Variants in RPSA2 observed in about 807,000 individuals in gnomAD.
The protein encoded by RPSA2 is ribosomal protein SA 2, also known as small ribosomal subunit protein uS2B.
At chr19:23,771,880 A>G in the RPSA2 span, among the ~76,000 whole-genome samples, 1 of 151,516 alleles carries the variant, frequency 6.6e-6, no homozygotes, top group Admixed American at 6.6e-5. Flanking sequence ...CTGCCCACAG[A>G]GGTGTTATAT....
the RPSA2 span, among the ~76,000 whole-genome samples, chr19:23,826,476 G>A: frequency 0.012 from 1,809 of 150,246 alleles, 40 homozygotes; most frequent in African/African-American, 0.041. Context: ...TACAGGTATG[G>A]GCCACCATGC....
At chr19:23,838,926 GTTTA>G in the RPSA2 span, among the ~76,000 whole-genome samples, 2 of 151,760 alleles carry the variant, frequency 1.3e-5, no homozygotes, top group African/African-American at 4.8e-5. Context: ...TGTATTTTTT[GTTTA>G]TTTGTTTGTT....
chr19:23,870,861 C>T, the RPSA2 span, among the ~76,000 whole-genome samples: 1 of 152,126 alleles, frequency 6.6e-6, no homozygotes, highest in Admixed American at 6.5e-5. Flanking sequence ...GCTATATGAT[C>T]AAAGAGCAAA....
At chr19:23,863,848 C>A in the RPSA2 span, among the ~76,000 whole-genome samples, 3 of 152,178 alleles carry the variant, frequency 2.0e-5, no homozygotes, top group African/African-American at 7.2e-5. Flanking sequence ...ATATCTCTTT[C>A]TTATCATAAT....
the RPSA2 span, among the ~76,000 whole-genome samples, chr19:23,805,258 G>A: frequency 2.0e-5 from 3 of 151,804 alleles, no homozygotes; most frequent in Non-Finnish European, 2.9e-5. Context: ...TCCACCTCCC[G>A]CGTTCAAGCG....
the RPSA2 span, among the ~76,000 whole-genome samples, chr19:23,829,548 G>T: frequency 4.6e-5 from 7 of 152,292 alleles, no homozygotes; most frequent in Middle Eastern, 3.4e-3. Context: ...TGATCCACCC[G>T]CCTCGGCCTC....
At chr19:23,836,937 G>T in the RPSA2 span, among the ~76,000 whole-genome samples, 1 of 152,092 alleles carries the variant, frequency 6.6e-6, no homozygotes, top group East Asian at 1.9e-4. Context: ...TGAGTTATCT[G>T]TCTATTCTGC....
chr19:23,811,868 A>T, the RPSA2 span, among the ~76,000 whole-genome samples: 1 of 145,786 alleles, frequency 6.9e-6, no homozygotes, highest in African/African-American at 2.4e-5. Flanking sequence ...AAAATAGCAA[A>T]CATTTAAAAC....
At chr19:23,816,926 T>TG in the RPSA2 span, among the ~76,000 whole-genome samples, 1 of 152,120 alleles carries the variant, frequency 6.6e-6, no homozygotes, top group South Asian at 2.1e-4. Flanking sequence ...CCACAACATG[T>TG]GGGAATTAAA....
At chr19:23,828,647 A>C in the RPSA2 span, among the ~76,000 whole-genome samples, 4 of 148,794 alleles carry the variant, frequency 2.7e-5, no homozygotes, top group African/African-American at 9.9e-5. Context: ...AAAAAATTTG[A>C]TAAGACTTCC....
chr19:23,760,246 C>T, the RPSA2 span, among the ~76,000 whole-genome samples: 4 of 152,254 alleles, frequency 2.6e-5, no homozygotes, highest in Admixed American at 1.3e-4. Context: ...CCCCCTAACC[C>T]CCTCCATTCC....
the RPSA2 span, among the ~76,000 whole-genome samples, chr19:23,767,045 C>T: frequency 6.6e-6 from 1 of 151,946 alleles, no homozygotes; most frequent in East Asian, 1.9e-4. Flanking sequence ...CTCTGCCTCC[C>T]GGTTTCAAAC....
the RPSA2 span, among the ~76,000 whole-genome samples, chr19:23,826,682 C>G: frequency 6.6e-6 from 1 of 151,896 alleles, no homozygotes; most frequent in African/African-American, 2.4e-5. Context: ...TGAGTATATT[C>G]CAGAATATAT....
At chr19:23,835,420 T>A in the RPSA2 span, among the ~76,000 whole-genome samples, 1 of 152,108 alleles carries the variant, frequency 6.6e-6, no homozygotes, top group Admixed American at 6.5e-5. Flanking sequence ...ATCATTTTAA[T>A]CAGGGGCCTA....
chr19:23,828,623 A>AT, the RPSA2 span, among the ~76,000 whole-genome samples: 4 of 148,652 alleles, frequency 2.7e-5, no homozygotes, highest in African/African-American at 9.9e-5. Flanking sequence ...TGTAGTTCAT[A>AT]GAAATTTACT....
At chr19:23,855,444 G>A in the RPSA2 span, among the ~76,000 whole-genome samples, 3 of 152,168 alleles carry the variant, frequency 2.0e-5, no homozygotes, top group Non-Finnish European at 2.9e-5. Flanking sequence ...GTAAGATTGA[G>A]TGGCACATAC....
the RPSA2 span, among the ~76,000 whole-genome samples, chr19:23,869,822 C>T: frequency 6.6e-6 from 1 of 152,204 alleles, no homozygotes; most frequent in Non-Finnish European, 1.5e-5. Context: ...AATACCAGTA[C>T]TGCTACTCAA....
the RPSA2 span, chr19:23,842,457 A>T: frequency 6.6e-6 from 1 of 152,174 alleles, no homozygotes; most frequent in African/African-American, 2.4e-5. Context: ...TGTAAAACAG[A>T]GCCAACTCTC....
chr19:23,766,398 TGA>T, the RPSA2 span, among the ~76,000 whole-genome samples: 20 of 151,754 alleles, frequency 1.3e-4, no homozygotes, highest in Admixed American at 4.6e-4. Flanking sequence ...CTTCCCCCAA[TGA>T]GATAAAAATG....
Sources: gnomAD v4.1 joint callset for allele counts (sites outside exome capture counted in the v4.1 genomes callset) on GRCh38, gnomAD v4.1.1 for gene constraint, MANE v1.5 for transcripts, NCBI Gene and HGNC (gene_info 2026-07-23, HGNC 2026-07-21) for gene names.